Variants in CUL4A observed in about 807,000 individuals in gnomAD.
CUL4A encodes the protein cullin-4A.
Under a neutral mutation model 95.5 loss-of-function variants are expected in CUL4A, and 16 were observed. The observed-to-expected ratio is 0.17, with a 90% confidence interval of 0.11 to 0.25. The LOEUF (loss-of-function observed/expected upper bound fraction) is 0.25, where lower values mean the gene tolerates loss of function less well. CUL4A is among the 10% of genes least tolerant of loss of function. The pLI, the probability that CUL4A is intolerant of heterozygous loss-of-function variation, is 1.00. For missense variants in CUL4A, 610 were observed against 937.0 expected (o/e 0.65, Z 4.56); for synonymous variants, 380 against 353.1 (o/e 1.08, Z -0.85).
At chr13:113,219,855 G>A (rs558138732) in intron 3 of CUL4A, 3 of 152,354 alleles carry the variant, frequency 2.0e-5, no homozygotes, top group South Asian at 4.1e-4. Context: ...TGACTCAGAC[G>A]TCTACAGGGG....
intron 10 of CUL4A, among the ~76,000 whole-genome samples, chr13:113,242,656 T>C (rs1449415261): frequency 1.3e-5 from 2 of 152,056 alleles, no homozygotes; most frequent in Non-Finnish European, 2.9e-5. Context: ...TGTGGTGGCC[T>C]GAGCCTGTAG....
At chr13:113,257,709 C>T (rs1274475676) in intron 18 of CUL4A, among the ~76,000 whole-genome samples, 1 of 152,092 alleles carries the variant, frequency 6.6e-6, no homozygotes, top group Non-Finnish European at 1.5e-5. Context: ...TGAGGGGACA[C>T]ATATTCAAAA....
chr13:113,265,415 T>G lies in CUL4A; in HGVS notation c.*1833T>G, dbSNP rs1323888904. ...TTATTTATTTTTAATTGAGGTGGAG[T>G]CTTGCTCTGTTGCCCAAGCTGGAGT... On this transcript the variant is annotated 3_prime_UTR_variant, in exon 20 of 20. Coordinates refer to ENST00000375440, the MANE Select transcript of CUL4A (RefSeq NM_001008895.4). 1 of 152,234 alleles carries G rather than the reference T, an allele frequency of 6.6e-6. No individual in the cohort carries two copies. Among genetic ancestry groups the G allele is most frequent in the Non-Finnish European group, 1.5e-5 (1 of 68,106 alleles). The allele number at this position is 152,234 out of a possible 1,614,324, so 9.4% of individuals were successfully genotyped here.
chr13:113,260,575 T>A, intron 18 of CUL4A, 32 bp from the exon 19 acceptor site: 1 of 1,575,588 alleles, frequency 6.3e-7, no homozygotes, highest in South Asian at 1.2e-5. Flanking sequence ...AATACAGTTT[T>A]ACACTTAACT....
chr13:113,210,711 G>C (rs1430558066), intron 2 of CUL4A, among the ~76,000 whole-genome samples: 2 of 152,094 alleles, frequency 1.3e-5, no homozygotes, highest in Non-Finnish European at 2.9e-5. Flanking sequence ...TTTTTGTAAA[G>C]TAACATTCAT....
At chr13:113,261,999 C>T (rs1052730747) in intron 19 of CUL4A, among the ~76,000 whole-genome samples, 1 of 152,180 alleles carries the variant, frequency 6.6e-6, no homozygotes, top group African/African-American at 2.4e-5. Context: ...AGGCTGGTCT[C>T]AAACTCCTGA....
At chr13:113,260,802 A>G in intron 19 of CUL4A, 43 bp downstream of exon 19, 1 of 1,386,094 alleles carries the variant, frequency 7.2e-7, no homozygotes, top group Non-Finnish European at 1.0e-6. Context: ...GTATTTGCTA[A>G]ACAATTGACA....
At chr13:113,212,400 C>T (rs903898572) in intron 2 of CUL4A, among the ~76,000 whole-genome samples, 2 of 152,234 alleles carry the variant, frequency 1.3e-5, no homozygotes, top group South Asian at 2.1e-4. Context: ...TTCTCTTATA[C>T]TTTCTTCCAG....
chr13:113,208,411 G>C, upstream of CUL4A: 1 of 1,481,782 alleles, frequency 6.7e-7, no homozygotes, highest in South Asian at 1.3e-5. Flanking sequence ...CTGCAGGGGA[G>C]AACTCGGGCC....
rs769397451 is a variant in CUL4A at position 113,243,139 on chromosome 13, A to G, written c.1207A>G (p.Asn403Asp). Reference sequence around the variant, plus strand: ...TGAGACGTTCATCAACAAGAGACCCAACAAGCCTGCAGAACTGATCGGTAG... The same window carrying G: ...TGAGACGTTCATCAACAAGAGACCCGACAAGCCTGCAGAACTGATCGGTAG... ...SFETFINKRP[N>D]KPAELIAKHV... is the part of the protein sequence containing the mutation. Residue 403 changes from asparagine to aspartate, a missense_variant, in exon 11 of 20, where the codon AAC (asparagine) becomes GAC (aspartate). By Grantham distance (23) the Asn-to-Asp change is conservative (BLOSUM62 1). Coordinates refer to ENST00000375440, the MANE Select transcript of CUL4A (RefSeq NM_001008895.4). 1 of 1,613,632 alleles carries G rather than the reference A, an allele frequency of 6.2e-7. No individual in the cohort carries two copies. Among genetic ancestry groups the G allele is most frequent in the East Asian group, 2.2e-5 (1 of 44,872 alleles).
chr13:113,262,808 GTC>G, intron 19 of CUL4A: 1 of 151,612 alleles, frequency 6.6e-6, no homozygotes, highest in African/African-American at 2.4e-5. Flanking sequence ...GATGGCAGAT[GTC>G]GGATCTGCCT....
intron 2 of CUL4A, among the ~76,000 whole-genome samples, chr13:113,210,618 G>A (rs1172090394): frequency 6.6e-6 from 1 of 152,170 alleles, no homozygotes; most frequent in Non-Finnish European, 1.5e-5. Context: ...AAGTGATGGT[G>A]TTCCGTTTCT....
intron 2 of CUL4A, among the ~76,000 whole-genome samples, chr13:113,217,941 C>T (rs968061976): frequency 7.2e-5 from 11 of 152,138 alleles, no homozygotes; most frequent in African/African-American, 2.7e-4. Flanking sequence ...TTTTCTGCTT[C>T]AAAAAATGGT....
chr13:113,212,289 G>C (rs1213150633), intron 2 of CUL4A, among the ~76,000 whole-genome samples: 3 of 151,950 alleles, frequency 2.0e-5, no homozygotes, highest in Admixed American at 6.6e-5. Context: ...CATTTGAAGA[G>C]TAATTGTTTT....
At chr13:113,212,843 A>T (rs868635602) in intron 2 of CUL4A, among the ~76,000 whole-genome samples, 1 of 152,230 alleles carries the variant, frequency 6.6e-6, no homozygotes, top group Non-Finnish European at 1.5e-5. Flanking sequence ...CCAGTTTTTC[A>T]GTCTCTTTTC....
rs200551351 is a variant in CUL4A at position 113,244,932 on chromosome 13, C to T, written c.1334-17C>T. On this transcript the variant is annotated splice_polypyrimidine_tract_variant and intron_variant, in intron 12 of 19. Coordinates refer to ENST00000375440, the MANE Select transcript of CUL4A (RefSeq NM_001008895.4). ...AACTCTCTGATGTCTTGATTATTCT[C>T]GTCTGGTTATAAATAGGTAAAGATG... 414 of 1,475,708 alleles carry T rather than the reference C, an allele frequency of 2.8e-4. 2 individuals carry two copies. The Middle Eastern group carries it at 7.0e-3, about 25-fold the overall frequency. 91.4% of individuals were successfully genotyped at this position (1,475,708 alleles called of 1,614,324 possible).
chr13:113,230,765 T>TTAG (rs1243547435), intron 5 of CUL4A, among the ~76,000 whole-genome samples: 8 of 142,746 alleles, frequency 5.6e-5, no homozygotes, highest in Admixed American at 3.6e-4. Flanking sequence ...TCAAAAATTA[T>TTAG]TATTATTATT....
intron 2 of CUL4A, among the ~76,000 whole-genome samples, chr13:113,215,559 C>T (rs1022257407): frequency 2.0e-5 from 3 of 148,640 alleles, no homozygotes; most frequent in Admixed American, 6.7e-5. Flanking sequence ...ATGGAGGTCA[C>T]GTCCCATGTG....
At chr13:113,256,649 A>G (rs545211085) in intron 18 of CUL4A, among the ~76,000 whole-genome samples, 83 of 152,300 alleles carry the variant, frequency 5.4e-4, no homozygotes, top group African/African-American at 1.9e-3. Context: ...TACAAATTAT[A>G]TAATCTTTCT....
Sources: gnomAD v4.1 joint callset for allele counts (sites outside exome capture counted in the v4.1 genomes callset) on GRCh38, gnomAD v4.1.1 for gene constraint, MANE v1.5 for transcripts, NCBI Gene and HGNC (gene_info 2026-07-23, HGNC 2026-07-21) for gene names.